Variants in NOTCH3 observed in about 807,000 individuals in gnomAD.
NOTCH3 encodes notch receptor 3.
In NOTCH3, 86 loss-of-function variants were observed where a neutral mutation model predicts 213.3. The ratio of observed to expected loss-of-function variants is 0.40; its 90% CI spans 0.34 to 0.48. The LOEUF is 0.48. NOTCH3 is among the 20% of genes least tolerant of loss of function. The pLI is 0.57. For synonymous variants in NOTCH3, 1,354 were observed against 1,355.9 expected, an observed-to-expected ratio of 1.00 and a Z score of 0.03; for missense variants, 2,783 against 3,272.6, an observed-to-expected ratio of 0.85 and a Z score of 3.65.
intron 29 of NOTCH3, 89 bp downstream of exon 29, chr19:15,167,160 C>T: frequency 7.1e-7 from 1 of 1,413,178 alleles, no homozygotes; most frequent in Non-Finnish European, 9.8e-7. Context: ...GAGACTCCCC[C>T]AGTTCTCCCC....
intron 28 of NOTCH3, among the ~76,000 whole-genome samples, chr19:15,168,726 C>T (rs750316742): frequency 3.9e-5 from 6 of 151,904 alleles, no homozygotes; most frequent in Non-Finnish European, 7.4e-5. Context: ...CCCAGCTACT[C>T]GGGAGGCTGA....
At chr19:15,194,816 G>A (rs2046956485) in intron 2 of NOTCH3, among the ~76,000 whole-genome samples, 1 of 152,046 alleles carries the variant, frequency 6.6e-6, no homozygotes, top group Admixed American at 6.6e-5. Context: ...AATCAGCCAA[G>A]TGTGGTGGCA....
chr19:15,197,420 G>T (rs1254162605), intron 2 of NOTCH3, 80 bp downstream of exon 2: 1 of 1,230,064 alleles, frequency 8.1e-7, no homozygotes, highest in African/African-American at 1.5e-5. Context: ...TGAACACAGA[G>T]GCAGAGGGAG....
rs2046680157 is a variant in NOTCH3 at position 15,165,721 on chromosome 19, G to A, written c.5667+66C>T. ...AAATGAGTCTGAAAGGCAGAACTGG[G>A]GCTCAAACCCAGGTAAGTCTAATGC... On this transcript the variant is annotated intron_variant, in intron 30 of 32. Coordinates refer to ENST00000263388, the MANE Select transcript of NOTCH3 (RefSeq NM_000435.3). The surrounding 1 kb of genome is among the most constrained non-coding windows in gnomAD (Gnocchi z 4.7). 3.2e-6 allele frequency: 5 copies of A among 1,566,428 alleles called. No homozygotes were observed. In the South Asian group the frequency reaches 5.6e-5, roughly 17 times the overall value.
chr19:15,188,437 T>A, intron 8 of NOTCH3, 89 bp from the exon 9 acceptor site: 1 of 837,948 alleles, frequency 1.2e-6, no homozygotes, highest in Non-Finnish European at 2.0e-6. Context: ...TTCCTACTCA[T>A]CGACAAATCC....
intron 23 of NOTCH3, 169 bp downstream of exon 23, chr19:15,178,654 G>C: frequency 1.5e-6 from 1 of 660,820 alleles, no homozygotes; most frequent in Non-Finnish European, 2.7e-6. Context: ...CAATGTGCTG[G>C]GATTACAGGT....
Position 15,179,452 on chromosome 19 carries a change from G to C in NOTCH3, c.3372C>G (p.Asp1124Glu). 3 of 1,614,082 alleles carry C rather than the reference G, an allele frequency of 1.9e-6. No individual in the cohort carries two copies. The highest frequency in any genetic ancestry group is 1.7e-6 in the Non-Finnish European group (2 of 1,180,010). Residue 1124 changes from aspartate (D) to glutamate (E), a missense_variant, in exon 21 of 33, where the codon GAC (aspartate) becomes GAG (glutamate). By Grantham distance (45) the Asp-to-Glu change is conservative. Transcript: ENST00000263388. ...YNGDNCEDDV[D>E]ECASQPCQHG... ...GCTGGCAGGGCTGGGAGGCACACTCGTCCACGTCGTCCTCACAGTTATCAC... is the reference window on the plus strand; with the variant it reads ...GCTGGCAGGGCTGGGAGGCACACTCCTCCACGTCGTCCTCACAGTTATCAC...
intron 1 of NOTCH3, among the ~76,000 whole-genome samples, chr19:15,199,281 C>T (rs1382969378): frequency 6.6e-6 from 1 of 152,164 alleles, no homozygotes; most frequent in African/African-American, 2.4e-5. Context: ...GAGCTGCACA[C>T]CCATACGGGA....
At chr19:15,192,558 G>A (rs1342182519) in intron 2 of NOTCH3, 39 bp from the exon 3 acceptor site, 1 of 1,554,640 alleles carries the variant, frequency 6.4e-7, no homozygotes, top group African/African-American at 1.4e-5. Context: ...GCACAGGGCA[G>A]GATGGCCCCA....
intron 2 of NOTCH3, 57 bp downstream of exon 2, chr19:15,197,443 C>CGG: frequency 1.7e-6 from 1 of 585,084 alleles, no homozygotes. Context: ...GACAAATCGC[C>CGG]CCTCCCCCCC....
rs576644055 is a variant in NOTCH3 at position 15,160,617 on chromosome 19, C to T, written c.*45G>A. On this transcript the variant is annotated 3_prime_UTR_variant, in exon 33 of 33. Transcript: ENST00000263388. ...AGACAGAGAAAGAAAGGAGGCAGGA[C>T]GGGGGTCTCTTTAGGCCCCCAAGAT... 47 of 1,378,428 alleles carry T rather than the reference C, an allele frequency of 3.4e-5. No individual in the cohort carries two copies. Among genetic ancestry groups the T allele is most frequent in the African/African-American group, 3.1e-4 (22 of 70,356 alleles). 85.4% of individuals were successfully genotyped at this position (1,378,428 alleles called of 1,614,324 possible). A position where few individuals can be genotyped will look rare whatever the true frequency, so the allele number is the denominator to read the frequency against.
At chr19:15,200,725 T>C (rs2145457194) in intron 1 of NOTCH3, 63 bp downstream of exon 1, 1 of 1,167,466 alleles carries the variant, frequency 8.6e-7, no homozygotes, top group East Asian at 3.6e-5. Flanking sequence ...AGCCCCGGCC[T>C]TGGGGGTTCT....
chr19:15,178,783 C>T (rs746364543), intron 23 of NOTCH3, 40 bp downstream of exon 23: 3 of 1,425,880 alleles, frequency 2.1e-6, no homozygotes, highest in East Asian at 2.4e-5. Context: ...CCAGAGGCCA[C>T]GCCCCTACTC....
At chr19:15,189,841 C>T (rs1448550286) in intron 6 of NOTCH3, among the ~76,000 whole-genome samples, 3 of 150,802 alleles carry the variant, frequency 2.0e-5, no homozygotes, top group Non-Finnish European at 4.4e-5. Flanking sequence ...TAAACCTAAA[C>T]AGTATTTAGT....
chr19:15,166,018 C>T lies in NOTCH3; in HGVS notation c.5436G>A (p.Glu1812=). Residue 1812 remains glutamate, a synonymous_variant, in exon 30 of 33, where the codon GAG becomes GAA. Coordinates refer to ENST00000263388, the MANE Select transcript of NOTCH3 (RefSeq NM_000435.3). ...ALEPMPTEED[E]ADDTSASIIS... ...TGATGCTAGCTGATGTGTCATCTGC[C>T]TCATCCTCTTCAGTTGGCATTGGCT... The T allele has an allele frequency of 1.2e-6, 2 of 1,614,154 alleles. No homozygotes were observed. Among genetic ancestry groups the T allele is most frequent in the Non-Finnish European group, 1.7e-6 (2 of 1,180,024 alleles).
At chr19:15,180,023 C>T (rs770089515) in intron 20 of NOTCH3, 49 bp downstream of exon 20, 30 of 1,342,406 alleles carry the variant, frequency 2.2e-5, no homozygotes, top group Non-Finnish European at 3.1e-5. Flanking sequence ...CCCAGACGCA[C>T]CCAAGCATGC....
chr19:15,173,137 G>A (rs751018257), intron 25 of NOTCH3, among the ~76,000 whole-genome samples: 1 of 118,008 alleles, frequency 8.5e-6, no homozygotes, highest in South Asian at 3.1e-4. Flanking sequence ...TTAAGAGATC[G>A]GAGGCCGGGC....
Position 15,185,607 on chromosome 19 carries a change from C to T in NOTCH3, c.2024G>A (p.Gly675Glu), listed in dbSNP as rs758980434. 6.2e-7 allele frequency: 1 copy of T among 1,613,628 alleles called. No homozygotes were observed. The highest frequency in any genetic ancestry group is 8.5e-7 in the Non-Finnish European group (1 of 1,180,020). ...PCGEGGSCVD[G>E]ENGFRCLCPP... ...GCAGAGGCAGCGGAAGCCATTTTCC[C>T]CATCCACACAGGAACCTCCCTCGCC... Residue 675 changes from glycine to glutamate, a missense_variant, in exon 13 of 33, where the codon GGG becomes GAG. By Grantham distance (98) the Gly-to-Glu change is moderately conservative. Coordinates refer to ENST00000263388, the MANE Select transcript of NOTCH3 (RefSeq NM_000435.3). The surrounding 1 kb of genome is among the most constrained non-coding windows in gnomAD (Gnocchi z 4.2).
chr19:15,189,105 C>G lies in NOTCH3; in HGVS notation c.1262G>C (p.Arg421Pro). The part of the protein sequence containing the change: ...TQGSFLCQCG[R>P]GYTGPRCETD... Reference sequence around the variant, plus strand: ...CTCACAGCGAGGTCCAGTGTAGCCACGACCGCACTGGCACAGGAAGGAGCC... The same window carrying G: ...CTCACAGCGAGGTCCAGTGTAGCCAGGACCGCACTGGCACAGGAAGGAGCC... Residue 421 changes from arginine to proline, a missense_variant, in exon 8 of 33, where the codon CGT becomes CCT. Physicochemically the swap from Arg to Pro is moderately radical, Grantham distance 103 (BLOSUM62 -2). Coordinates refer to ENST00000263388, the MANE Select transcript of NOTCH3 (RefSeq NM_000435.3). 1 of 1,613,316 alleles carries G rather than the reference C, an allele frequency of 6.2e-7. No homozygotes were observed. Among genetic ancestry groups the G allele is most frequent in the Non-Finnish European group, 8.5e-7 (1 of 1,180,038 alleles).
Sources: gnomAD v4.1 joint callset for allele counts (sites outside exome capture counted in the v4.1 genomes callset) on GRCh38, gnomAD v4.1.1 for gene constraint, Gnocchi (gnomAD v3.1) non-coding constraint, MANE v1.5 for transcripts, NCBI Gene and HGNC (gene_info 2026-07-23, HGNC 2026-07-21) for gene names.